The following KAZN variants were observed in gnomAD, a reference collection of about 807,000 sequenced individuals.
KAZN encodes the protein kazrin, periplakin interacting protein.
Under a neutral mutation model 87.4 loss-of-function variants are expected in KAZN, and 40 were observed. The ratio of observed to expected loss-of-function variants is 0.46; its 90% CI spans 0.36 to 0.60. The LOEUF (loss-of-function observed/expected upper bound fraction) is 0.60, where lower values mean the gene tolerates loss of function less well. Ranked by LOEUF, KAZN falls within the 20% of genes least tolerant of loss-of-function variation. KAZN has a pLI of 0.00. For synonymous variants in KAZN, 466 were observed against 458.3 expected (o/e 1.02, Z -0.22); for missense variants, 898 against 1,073.9 (o/e 0.84, Z 2.29).
intron 2 of KAZN, among the ~76,000 whole-genome samples, chr1:14,499,928 G>A (rs921975262): frequency 2.6e-5 from 4 of 152,102 alleles, no homozygotes; most frequent in African/African-American, 9.7e-5. Flanking sequence ...CAGTAGCAGA[G>A]GCCCACCACG....
intron 1 of KAZN, among the ~76,000 whole-genome samples, chr1:14,155,842 G>A (rs1645581598): frequency 1.3e-5 from 2 of 152,046 alleles, no homozygotes; most frequent in African/African-American, 4.8e-5. Flanking sequence ...TAGAGATGGG[G>A]TTTCACCATG....
At chr1:14,253,153 C>T (rs1650202771) in intron 2 of KAZN, among the ~76,000 whole-genome samples, 1 of 150,982 alleles carries the variant, frequency 6.6e-6, no homozygotes, top group Non-Finnish European at 1.5e-5. Flanking sequence ...CACCCGGTTA[C>T]CGGGGTAGAG....
chr1:14,148,738 A>G (rs74500305), intron 1 of KAZN, among the ~76,000 whole-genome samples: 3,178 of 152,278 alleles, frequency 0.021, 101 homozygotes, highest in African/African-American at 0.071. Flanking sequence ...GTACATGTGG[A>G]TGGCAGGCTT....
intron 2 of KAZN, among the ~76,000 whole-genome samples, chr1:14,331,972 A>G (rs1571321449): frequency 6.6e-6 from 1 of 152,144 alleles, no homozygotes; most frequent in East Asian, 1.9e-4. Context: ...CATCTGCATG[A>G]TTTGCAAGTT....
At chr1:14,783,247 G>T (rs551219825) in intron 1 of KAZN, among the ~76,000 whole-genome samples, 1 of 152,036 alleles carries the variant, frequency 6.6e-6, no homozygotes, top group African/African-American at 2.4e-5. Flanking sequence ...AGAACATTTA[G>T]TTTTAATCTT....
intron 2 of KAZN, among the ~76,000 whole-genome samples, chr1:14,999,858 C>T (rs1315321338): frequency 1.3e-5 from 2 of 152,194 alleles, no homozygotes; most frequent in Non-Finnish European, 1.5e-5. Context: ...CCTCAGTCTG[C>T]CCTGTCCGGC....
chr1:14,570,213 C>T (rs1412469428), intron 2 of KAZN, among the ~76,000 whole-genome samples: 2 of 152,158 alleles, frequency 1.3e-5, no homozygotes, highest in Non-Finnish European at 2.9e-5. Context: ...AACTAGGTTC[C>T]TTCATTCCTC....
At chr1:15,109,949 A>G (rs202086872) in intron 13 of KAZN, among the ~76,000 whole-genome samples, 29 of 20,188 alleles carry the variant, frequency 1.4e-3, no homozygotes, top group African/African-American at 2.1e-3. Flanking sequence ...GTGTTTGTGT[A>G]TGTGTTTGTA....
At chr1:15,068,408 AC>A (rs1304925965) in intron 8 of KAZN, among the ~76,000 whole-genome samples, 8 of 151,244 alleles carry the variant, frequency 5.3e-5, no homozygotes. Flanking sequence ...CAAACGCACC[AC>A]CCCCGACCTG....
At chr1:14,951,920 A>G (rs982222307) in intron 1 of KAZN, among the ~76,000 whole-genome samples, 3 of 152,156 alleles carry the variant, frequency 2.0e-5, no homozygotes, top group African/African-American at 7.2e-5. Context: ...CCAAGGGAGC[A>G]CTCACAACCT....
At chr1:14,235,433 G>A (rs1648318066) in intron 2 of KAZN, among the ~76,000 whole-genome samples, 1 of 152,208 alleles carries the variant, frequency 6.6e-6, no homozygotes, top group Non-Finnish European at 1.5e-5. Flanking sequence ...TCAGAAAGCA[G>A]ATTAGTGGTT....
intron 1 of KAZN, among the ~76,000 whole-genome samples, chr1:14,860,343 C>T (rs896723414): frequency 6.6e-6 from 1 of 152,010 alleles, no homozygotes; most frequent in Non-Finnish European, 1.5e-5. Flanking sequence ...AGGCGTGCAC[C>T]ACCATGCCCA....
intron 2 of KAZN, among the ~76,000 whole-genome samples, chr1:14,185,407 C>T (rs1308706817): frequency 6.6e-6 from 1 of 152,172 alleles, no homozygotes; most frequent in African/African-American, 2.4e-5. Context: ...GAATTTAGTT[C>T]CCTTCACTAA....
At chr1:14,848,305 G>C (rs1426926448) in intron 1 of KAZN, among the ~76,000 whole-genome samples, 1 of 152,190 alleles carries the variant, frequency 6.6e-6, no homozygotes, top group East Asian at 1.9e-4. Flanking sequence ...GAAGCTGCCA[G>C]AGTTAAGGAG....
At chr1:13,997,888 CAAG>C (rs1437839517) in intron 1 of KAZN, among the ~76,000 whole-genome samples, 7 of 152,064 alleles carry the variant, frequency 4.6e-5, no homozygotes, top group Non-Finnish European at 1.0e-4. Context: ...AGATACACCA[CAAG>C]AAGATCAGCC....
chr1:14,060,236 G>A (rs1308572661), intron 1 of KAZN, among the ~76,000 whole-genome samples: 3 of 151,968 alleles, frequency 2.0e-5, no homozygotes, highest in East Asian at 1.9e-4. Context: ...GGCAGCATGC[G>A]CCTGTAGTCC....
chr1:15,072,999 C>G (rs1008585712), intron 8 of KAZN, among the ~76,000 whole-genome samples: 2 of 152,136 alleles, frequency 1.3e-5, no homozygotes, highest in Non-Finnish European at 2.9e-5. Flanking sequence ...AAACTGTGTT[C>G]CATGGAACCC....
chr1:13,955,211 C>T (rs904788003), intron 1 of KAZN, among the ~76,000 whole-genome samples: 8 of 152,016 alleles, frequency 5.3e-5, no homozygotes, highest in African/African-American at 1.4e-4. Context: ...GGTTGTCTGT[C>T]GTGGTATTTC....
chr1:14,274,598 T>C (rs772967523), intron 2 of KAZN, among the ~76,000 whole-genome samples: 5 of 152,198 alleles, frequency 3.3e-5, no homozygotes, highest in Non-Finnish European at 5.9e-5. Flanking sequence ...TGCACAATTT[T>C]GGCACAGGTG....
Sources: allele counts gnomAD v4.1 joint callset (sites outside exome capture counted in the v4.1 genomes callset), GRCh38; gene constraint gnomAD v4.1.1; transcripts MANE v1.5; gene names NCBI Gene and HGNC (gene_info 2026-07-23, HGNC 2026-07-21).